Variants in ELL observed in about 807,000 individuals in gnomAD.
The protein encoded by ELL is elongation factor for RNA polymerase II.
A neutral mutation model predicts 64.0 loss-of-function variants in ELL; 18 were observed. The ratio of observed to expected loss-of-function variants is 0.28; its 90% CI spans 0.19 to 0.42. ELL has a LOEUF of 0.42. ELL is among the 10% of genes least tolerant of loss of function. ELL has a pLI of 1.00. For missense variants in ELL, 797 were observed against 870.4 expected, an observed-to-expected ratio of 0.92 and a Z score of 1.06; for synonymous variants, 399 against 376.2, an observed-to-expected ratio of 1.06 and a Z score of -0.70.
intron 5 of ELL, among the ~76,000 whole-genome samples, chr19:18,459,554 C>G (rs1343197424): frequency 7.3e-6 from 1 of 137,032 alleles, no homozygotes; most frequent in African/African-American, 2.8e-5. Context: ...GAGTCTCGCT[C>G]AGTTGCCCAG....
intron 2 of ELL, among the ~76,000 whole-genome samples, chr19:18,468,892 C>A (rs1299309214): frequency 6.6e-6 from 1 of 152,174 alleles, no homozygotes. Flanking sequence ...CAGCTGTACA[C>A]CCAGTCAGCA....
chr19:18,488,783 G>A (rs1975468812), intron 1 of ELL, among the ~76,000 whole-genome samples: 1 of 152,202 alleles, frequency 6.6e-6, no homozygotes, highest in African/African-American at 2.4e-5. Flanking sequence ...CCTTGCTTAA[G>A]GCCACCAGCT....
At chr19:18,468,214 CACAA>C (rs200053667) in intron 2 of ELL, among the ~76,000 whole-genome samples, 6,402 of 137,968 alleles carry the variant, frequency 0.046, 257 homozygotes, top group African/African-American at 0.14. Context: ...CCCCCACACA[CACAA>C]ACAATCCATA....
intron 2 of ELL, among the ~76,000 whole-genome samples, chr19:18,470,798 ACT>A (rs1406309756): frequency 1.3e-5 from 2 of 151,646 alleles, no homozygotes; most frequent in African/African-American, 4.9e-5. Flanking sequence ...GGAGGAAGAA[ACT>A]CTGCCTGAGG....
chr19:18,505,918 A>G (rs927421958), intron 1 of ELL, among the ~76,000 whole-genome samples: 7 of 152,138 alleles, frequency 4.6e-5, no homozygotes, highest in African/African-American at 1.4e-4. Flanking sequence ...GCACCACTGT[A>G]CAGTCAGGTA....
Position 18,446,778 on chromosome 19 carries a change from G to T in ELL, c.1502C>A (p.Thr501Lys), listed in dbSNP as rs1313567339. 6.2e-7 allele frequency: 1 copy of T among 1,613,938 alleles called. No individual in the cohort carries two copies. Among genetic ancestry groups the T allele is most frequent in the Non-Finnish European group, 8.5e-7 (1 of 1,180,030 alleles). Residue 501 changes from threonine to lysine, a missense_variant, in exon 9 of 12, where the codon ACG (threonine) becomes AAG (lysine). Thr to Lys is a moderately conservative substitution (Grantham distance 78). Coordinates refer to ENST00000262809, the MANE Select transcript of ELL (RefSeq NM_006532.4). ...NGTCSVSSVP[T>K]STSETPDYLL... ...GTAGTCAGGCGTCTCCGACGTGGAC[G>T]TGGGAACACTGGAAACGCTGCAGGT...
intron 1 of ELL, among the ~76,000 whole-genome samples, chr19:18,482,822 C>T (rs1975333992): frequency 6.7e-6 from 1 of 148,870 alleles, no homozygotes; most frequent in African/African-American, 2.6e-5. Flanking sequence ...GACAGGGCCT[C>T]ACTCTGTTGC....
chr19:18,516,631 C>T (rs1033707869), intron 1 of ELL, among the ~76,000 whole-genome samples: 8 of 152,092 alleles, frequency 5.3e-5, no homozygotes, highest in African/African-American at 1.9e-4. Context: ...AGTCTCCCAC[C>T]GGCTCTGTAC....
intron 4 of ELL, among the ~76,000 whole-genome samples, chr19:18,463,460 G>A (rs901968932): frequency 4.7e-5 from 7 of 148,932 alleles, no homozygotes; most frequent in Admixed American, 2.7e-4. Flanking sequence ...TCAGCCTCCC[G>A]AGTAGCTGGG....
chr19:18,468,054 CCA>C (rs1222601766), intron 2 of ELL, among the ~76,000 whole-genome samples: 1 of 141,250 alleles, frequency 7.1e-6, no homozygotes, highest in Non-Finnish European at 1.6e-5. Flanking sequence ...ACACACACAG[CCA>C]CACACAAACC....
intron 1 of ELL, among the ~76,000 whole-genome samples, chr19:18,517,723 G>T (rs572496377): frequency 4.0e-5 from 6 of 151,584 alleles, no homozygotes; most frequent in African/African-American, 1.4e-4. Flanking sequence ...TTAATTAAAA[G>T]AAAAAGAAAA....
chr19:18,452,421 G>T (rs1361599634), intron 6 of ELL, among the ~76,000 whole-genome samples: 1 of 152,250 alleles, frequency 6.6e-6, no homozygotes, highest in Non-Finnish European at 1.5e-5. Context: ...CCTGAGAGGA[G>T]AGCCATGTGG....
chr19:18,450,388 C>T, intron 8 of ELL, 89 bp downstream of exon 8: 1 of 1,538,848 alleles, frequency 6.5e-7, no homozygotes, highest in Non-Finnish European at 8.8e-7. Context: ...GCTTCTACAG[C>T]TTGAGCCCCC....
intron 1 of ELL, among the ~76,000 whole-genome samples, chr19:18,477,403 C>A (rs1487217979): frequency 6.6e-6 from 1 of 152,188 alleles, no homozygotes; most frequent in Non-Finnish European, 1.5e-5. Flanking sequence ...GTCCTGAGGG[C>A]AGGCGGGGGA....
At chr19:18,479,176 C>T (rs577621335) in intron 1 of ELL, among the ~76,000 whole-genome samples, 6 of 152,112 alleles carry the variant, frequency 3.9e-5, no homozygotes, top group Non-Finnish European at 1.5e-5. Context: ...CCACTGAGGG[C>T]GGGGACAGTC....
At chr19:18,489,670 T>C (rs1453305252) in intron 1 of ELL, among the ~76,000 whole-genome samples, 1 of 152,108 alleles carries the variant, frequency 6.6e-6, no homozygotes, top group Admixed American at 6.5e-5. Flanking sequence ...GTACTCACAC[T>C]CAGTGCTGTG....
chr19:18,476,214 C>A (rs993207866), intron 1 of ELL, among the ~76,000 whole-genome samples: 4 of 152,218 alleles, frequency 2.6e-5, no homozygotes, highest in African/African-American at 9.6e-5. Context: ...AGGTGGGCCC[C>A]GTCTCTCGCG....
intron 1 of ELL, among the ~76,000 whole-genome samples, chr19:18,513,117 G>A (rs936219423): frequency 6.6e-6 from 1 of 152,098 alleles, no homozygotes; most frequent in Non-Finnish European, 1.5e-5. Context: ...GTCCAAAGAG[G>A]AGCAAGCCAA....
intron 1 of ELL, among the ~76,000 whole-genome samples, chr19:18,474,415 C>T (rs80269512): frequency 6.6e-6 from 1 of 152,224 alleles, no homozygotes; most frequent in Non-Finnish European, 1.5e-5. Context: ...CCAAGACTCC[C>T]CAAGGATTCT....
Sources: gnomAD v4.1 joint callset for allele counts (sites outside exome capture counted in the v4.1 genomes callset) on GRCh38, gnomAD v4.1.1 for gene constraint, MANE v1.5 for transcripts, NCBI Gene and HGNC (gene_info 2026-07-23, HGNC 2026-07-21) for gene names.